BIRC7: variants seen among roughly 807,000 people sequenced by gnomAD.
BIRC7 encodes baculoviral IAP repeat-containing protein 7.
A neutral mutation model predicts 33.2 loss-of-function variants in BIRC7; 26 were observed. The ratio of observed to expected loss-of-function variants is 0.78; its 90% CI spans 0.57 to 1.09. The LOEUF is 1.09. Among genes scored for constraint, BIRC7 ranks in the 50% least tolerant of loss-of-function variants. The pLI is 0.00. For missense variants in BIRC7, 409 were observed against 401.2 expected (o/e 1.02, Z -0.17); for synonymous variants, 176 against 171.0 (o/e 1.03, Z -0.23).
intron 6 of BIRC7, among the ~76,000 whole-genome samples, chr20:63,240,015 C>T (rs2066725067): frequency 6.6e-6 from 1 of 152,238 alleles, no homozygotes; most frequent in Non-Finnish European, 1.5e-5. Context: ...GGAACACCTG[C>T]ACGGGAAGGG....
chr20:63,238,218 C>A, intron 2 of BIRC7, 178 bp from the exon 3 acceptor site: 1 of 887,850 alleles, frequency 1.1e-6, no homozygotes, highest in Non-Finnish European at 1.8e-6. Context: ...ATGCCTCTCC[C>A]ATGGGACTAC....
Position 63,236,083 on chromosome 20 carries a change from C to A in BIRC7, c.-14C>A, listed in dbSNP as rs1399938208. The A allele has an allele frequency of 1.3e-6, 2 of 1,518,618 alleles. No homozygotes were observed. Among genetic ancestry groups the A allele is most frequent in the Admixed American group, 2.0e-5 (1 of 50,594 alleles). The allele number at this position is 1,518,618 out of a possible 1,614,324, so 94.1% of individuals were successfully genotyped here. ...ATTTCTGCTGCAAACCTGGTCAGAG[C>A]CAGTGTTCCCTCCATGGGACCTAAA... On this transcript the variant is annotated 5_prime_UTR_variant, in exon 1 of 7. Transcript: ENST00000217169.
At position 63,239,487 on chromosome 20, in the gene BIRC7, T is replaced by G. The variant is rs752242455; in HGVS notation, c.779T>G (p.Val260Gly). Residue 260 changes from valine to glycine, a missense_variant, in exon 6 of 7, where the codon GTG becomes GGG. Coordinates refer to ENST00000217169, the MANE Select transcript of BIRC7 (RefSeq NM_139317.3). Reference protein sequence around the residue: ...RTCKVCLDRAVSIVFVPCGHL... With the variant: ...RTCKVCLDRAGSIVFVPCGHL... ...TGCAAGGTGTGCCTGGACCGCGCCG[T>G]GTCCATCGTCTTTGTGCCGTGCGGC... 6.2e-7 allele frequency: 1 copy of G among 1,606,896 alleles called. No individual in the cohort carries two copies. Among genetic ancestry groups the G allele is most frequent in the Admixed American group, 1.7e-5 (1 of 60,004 alleles).
At position 63,237,886 on chromosome 20, in the gene BIRC7, A is replaced by G; in HGVS notation, c.350-17A>G. On this transcript the variant is annotated splice_polypyrimidine_tract_variant and intron_variant, in intron 1 of 6. Coordinates refer to ENST00000217169, the MANE Select transcript of BIRC7 (RefSeq NM_139317.3). ...TGGGTGGGACTTGGCTGGGGCCAGC[A>G]TCTCTCCGCACCCCAGGCCATCAGG... 6.3e-7 allele frequency: 1 copy of G among 1,581,684 alleles called. No individual in the cohort carries two copies. Among genetic ancestry groups the G allele is most frequent in the African/African-American group, 1.4e-5 (1 of 72,944 alleles).
Position 63,239,439 on chromosome 20 carries a change from G to A in BIRC7, c.731G>A (p.Arg244Gln), listed in dbSNP as rs61737394. The A allele has an allele frequency of 1.5e-4, 245 of 1,606,510 alleles. No homozygotes were observed. The African/African-American group carries it at 2.9e-3, about 19-fold the overall frequency. Residue 244 changes from arginine (R) to glutamine (Q), a missense_variant, in exon 6 of 7, where the codon CGG becomes CAG. Transcript: ENST00000217169. ...GCCAGGGATGTGGAGGCGCAGCTGC[G>A]GCGGCTGCAGGAGGAGAGGACGTGC... ...PGARDVEAQL[R>Q]RLQEERTCKV...
Position 63,236,277 on chromosome 20 carries a change from C to T in BIRC7, c.181C>T (p.Pro61Ser). 1.2e-6 allele frequency: 2 copies of T among 1,610,728 alleles called. No individual in the cohort carries two copies. Among genetic ancestry groups the T allele is most frequent in the Non-Finnish European group, 1.7e-6 (2 of 1,179,014 alleles). The change falls in exon 1 of 7, where the codon CCC becomes TCC. Residue 61 changes from proline to serine, a missense_variant. Coordinates refer to ENST00000217169, the MANE Select transcript of BIRC7 (RefSeq NM_139317.3). Reference protein sequence around the residue: ...VDGQILGQLRPLTEEEEEEGA... With the variant: ...VDGQILGQLRSLTEEEEEEGA... ...TGGGCAGATCCTGGGCCAGCTGCGGCCCCTGACAGAGGAGGAAGAGGAGGA... is the reference window on the plus strand; with the variant it reads ...TGGGCAGATCCTGGGCCAGCTGCGGTCCCTGACAGAGGAGGAAGAGGAGGA...
Position 63,235,937 on chromosome 20 carries a change from C to A in BIRC7, c.-160C>A. 4 of 889,182 alleles carry A rather than the reference C, an allele frequency of 4.5e-6. No individual in the cohort carries two copies. Among genetic ancestry groups the A allele is most frequent in the Non-Finnish European group, 6.5e-6 (4 of 614,772 alleles). 55.1% of individuals were successfully genotyped at this position (889,182 alleles called of 1,614,324 possible). A position where few individuals can be genotyped will look rare whatever the true frequency, so the allele number is the denominator to read the frequency against. Reference sequence around the variant, plus strand: ...GAAAGCTGTGGGCCCTGGGATACTCCCCTCCCAGGGTGTCTGGTGGCAGGC... The same window carrying A: ...GAAAGCTGTGGGCCCTGGGATACTCACCTCCCAGGGTGTCTGGTGGCAGGC... On this transcript the variant is annotated 5_prime_UTR_variant, in exon 1 of 7. Coordinates refer to ENST00000217169, the MANE Select transcript of BIRC7 (RefSeq NM_139317.3).
rs1292557119 is a variant in BIRC7 at position 63,236,340 on chromosome 20, C to A, written c.244C>A (p.Pro82Thr). The change falls in exon 1 of 7, where the codon CCC becomes ACC. Residue 82 changes from proline (P) to threonine (T), a missense_variant. Physicochemically the swap from Pro to Thr is conservative, Grantham distance 38. Coordinates refer to ENST00000217169, the MANE Select transcript of BIRC7 (RefSeq NM_139317.3). Reference sequence around the variant, plus strand: ...CACCTTGTCCAGGGGGCCTGCCTTCCCCGGCATGGGCTCTGAGGAGTTGCG... The same window carrying A: ...CACCTTGTCCAGGGGGCCTGCCTTCACCGGCATGGGCTCTGAGGAGTTGCG... Reference protein sequence around the residue: ...GATLSRGPAFPGMGSEELRLA... With the variant: ...GATLSRGPAFTGMGSEELRLA... 4.4e-6 allele frequency: 7 copies of A among 1,604,148 alleles called. No individual in the cohort carries two copies. In the African/African-American group the frequency reaches 9.4e-5, roughly 21 times the overall value.
intron 4 of BIRC7, 52 bp downstream of exon 4, chr20:63,238,666 T>C: frequency 6.2e-7 from 1 of 1,603,640 alleles, no homozygotes; most frequent in Non-Finnish European, 8.5e-7. Flanking sequence ...CAGCCTGTGC[T>C]TGGCCAAGGC....
intron 6 of BIRC7, among the ~76,000 whole-genome samples, chr20:63,239,826 G>A (rs556139397): frequency 2.6e-5 from 4 of 152,358 alleles, no homozygotes; most frequent in East Asian, 1.9e-4. Flanking sequence ...GTGCCCTGGC[G>A]GCCACCATAG....
intron 1 of BIRC7, among the ~76,000 whole-genome samples, chr20:63,236,732 C>T (rs945410732): frequency 6.6e-6 from 1 of 152,222 alleles, no homozygotes; most frequent in South Asian, 2.1e-4. Context: ...GCTTGGTGCA[C>T]AAGTACCCCT....
Position 63,236,347 on chromosome 20 carries a change from T to G in BIRC7, c.251T>G (p.Met84Arg), listed in dbSNP as rs199810069. 3.1e-6 allele frequency: 5 copies of G among 1,603,416 alleles called. No homozygotes were observed. In the South Asian group the frequency reaches 5.5e-5, roughly 18 times the overall value. ...TCCAGGGGGCCTGCCTTCCCCGGCATGGGCTCTGAGGAGTTGCGTCTGGCC... is the reference window on the plus strand; with the variant it reads ...TCCAGGGGGCCTGCCTTCCCCGGCAGGGGCTCTGAGGAGTTGCGTCTGGCC... ...TLSRGPAFPG[M>R]GSEELRLASF... The change falls in exon 1 of 7, where the codon ATG (methionine) becomes AGG (arginine). Residue 84 changes from methionine to arginine, a missense_variant. Coordinates refer to ENST00000217169, the MANE Select transcript of BIRC7 (RefSeq NM_139317.3).
chr20:63,238,968 T>C (rs1390391165), intron 4 of BIRC7, 194 bp from the exon 5 acceptor site: 5 of 663,918 alleles, frequency 7.5e-6, no homozygotes, highest in Non-Finnish European at 1.3e-5. Flanking sequence ...ACAGGCTCTC[T>C]GGTGGCGCCT....
At chr20:63,237,086 C>G (rs1051271594) in intron 1 of BIRC7, among the ~76,000 whole-genome samples, 1 of 152,256 alleles carries the variant, frequency 6.6e-6, no homozygotes, top group African/African-American at 2.4e-5. Flanking sequence ...CAGGGCCCAC[C>G]GAGGGCTTTA....
chr20:63,237,834 G>C (rs919667316), intron 1 of BIRC7, 69 bp from the exon 2 acceptor site: 157 of 1,383,472 alleles, frequency 1.1e-4, no homozygotes, highest in Non-Finnish European at 1.5e-4. Context: ...TCATAGCCTT[G>C]GAAGGACACA....
Position 63,237,964 on chromosome 20 carries a change from G to C in BIRC7, c.411G>C (p.Gly137=), listed in dbSNP as rs544120569. ...GGGGCCTGCAGAGCTGGAAGCGCGG[G>C]GACGACCCCTGGACGGAGCATGCCA... ...CYGGLQSWKR[G]DDPWTEHAKW... The change falls in exon 2 of 7, where the codon GGG becomes GGC. Residue 137 remains glycine (G), a synonymous_variant. Coordinates refer to ENST00000217169, the MANE Select transcript of BIRC7 (RefSeq NM_139317.3). 1.9e-6 allele frequency: 3 copies of C among 1,608,770 alleles called. No homozygotes were observed. In the African/African-American group the frequency reaches 4.0e-5, roughly 22 times the overall value.
At chr20:63,236,478 G>A in intron 1 of BIRC7, 33 bp downstream of exon 1, 2 of 1,503,846 alleles carry the variant, frequency 1.3e-6, no homozygotes, top group African/African-American at 1.4e-5. Context: ...TTCCTGCCGT[G>A]GGCCTGGGCA....
Position 63,238,007 on chromosome 20 carries a change from C to G in BIRC7, c.449+5C>G, listed in dbSNP as rs778019169. 9 of 1,586,358 alleles carry G rather than the reference C, an allele frequency of 5.7e-6. No homozygotes were observed. In the Admixed American group the frequency reaches 1.7e-4, roughly 29 times the overall value. ...GCATGCCAAGTGGTTCCCCAGGTAC[C>G]GGCTGCCCCTGCGGGGCCCCGGGTC... is the stretch of plus-strand genomic sequence containing the variant. On this transcript the variant is annotated splice_donor_5th_base_variant and intron_variant, in intron 2 of 6. Coordinates refer to ENST00000217169, the MANE Select transcript of BIRC7 (RefSeq NM_139317.3).
chr20:63,238,484 G>A lies in BIRC7; in HGVS notation c.531+7G>A, dbSNP rs1481635218. The A allele has an allele frequency of 1.3e-5, 21 of 1,612,868 alleles. No homozygotes were observed. Among genetic ancestry groups the A allele is most frequent in the East Asian group, 4.5e-5 (2 of 44,874 alleles). On this transcript the variant is annotated splice_region_variant and intron_variant, in intron 3 of 6. Coordinates refer to ENST00000217169, the MANE Select transcript of BIRC7 (RefSeq NM_139317.3). ...CCAGCTGCTGGGCTCCTGGGTGAGC[G>A]CCACCTCTCCTCGGGGCTCCGGGTG...
Sources: gnomAD v4.1 joint callset for allele counts (sites outside exome capture counted in the v4.1 genomes callset) on GRCh38, gnomAD v4.1.1 for gene constraint, MANE v1.5 for transcripts, NCBI Gene and HGNC (gene_info 2026-07-23, HGNC 2026-07-21) for gene names.